SYT9: variants seen among roughly 807,000 people sequenced by gnomAD.
SYT9 encodes the protein synaptotagmin-9.
SYT9 carries 22 observed loss-of-function variants against 48.4 expected under a neutral mutation model. That is an observed-to-expected ratio of 0.45 (90% CI 0.32 to 0.65). SYT9 has a LOEUF of 0.65. Among genes scored for constraint, SYT9 ranks in the 30% least tolerant of loss-of-function variants. The pLI is 0.03. For synonymous variants in SYT9, 265 were observed against 245.0 expected (o/e 1.08, Z -0.76); for missense variants, 577 against 622.0 (o/e 0.93, Z 0.77).
chr11:7,392,945 A>G (rs1215592727), intron 3 of SYT9, among the ~76,000 whole-genome samples: 1 of 152,090 alleles, frequency 6.6e-6, no homozygotes, highest in African/African-American at 2.4e-5. Context: ...AAATATGTTG[A>G]TTTTTTATCC....
intron 3 of SYT9, among the ~76,000 whole-genome samples, chr11:7,315,334 G>T (rs1308816737): frequency 6.6e-6 from 1 of 152,190 alleles, no homozygotes; most frequent in Non-Finnish European, 1.5e-5. Context: ...ACATGAGAAG[G>T]TTTAAAGAAA....
chr11:7,249,899 A>T (rs371134794), upstream of SYT9, among the ~76,000 whole-genome samples: 4 of 152,186 alleles, frequency 2.6e-5, no homozygotes, highest in Non-Finnish European at 5.9e-5. Context: ...ACTATATTTG[A>T]AAGTTTACAG....
intron 3 of SYT9, among the ~76,000 whole-genome samples, chr11:7,408,071 T>C (rs1206058095): frequency 6.6e-6 from 1 of 152,214 alleles, no homozygotes; most frequent in Non-Finnish European, 1.5e-5. Flanking sequence ...AAAATTACAT[T>C]GGTTTTTTGA....
At chr11:7,459,530 T>G (rs1392576930) in intron 6 of SYT9, among the ~76,000 whole-genome samples, 1 of 152,150 alleles carries the variant, frequency 6.6e-6, no homozygotes, top group Admixed American at 6.5e-5. Context: ...AAATAAGATG[T>G]AAATAAAATG....
Position 7,290,868 on chromosome 11 carries a change from G to C in SYT9, c.146-12171G>C, listed in dbSNP as rs571318099. Among the ~76,000 whole-genome samples the C allele has an allele frequency of 3.3e-5, 5 of 152,306 alleles. No homozygotes were observed. In the East Asian group the frequency reaches 9.7e-4, roughly 29 times the overall value. On this transcript the variant is annotated intron_variant, in intron 1 of 6. Transcript: ENST00000318881. ...ATTCTGAGTCCCAGTGGAAACGGGT[G>C]ATAGTCAAACTAGGTAATTTGAGGA...
intron 3 of SYT9, among the ~76,000 whole-genome samples, chr11:7,331,214 A>C (rs1336475325): frequency 1.4e-5 from 1 of 71,220 alleles, no homozygotes; most frequent in African/African-American, 4.7e-5. Flanking sequence ...TGCAAAAGGG[A>C]TAGCAGGGAT....
chr11:7,346,512 T>C (rs1849804013), intron 3 of SYT9, among the ~76,000 whole-genome samples: 1 of 152,208 alleles, frequency 6.6e-6, no homozygotes, highest in Admixed American at 6.5e-5. Flanking sequence ...AAGTCAAGTG[T>C]AGCCCTTCTG....
At chr11:7,339,899 CCTCT>C (rs139152409) in intron 3 of SYT9, among the ~76,000 whole-genome samples, 103 of 152,224 alleles carry the variant, frequency 6.8e-4, no homozygotes, top group Non-Finnish European at 1.4e-3. Flanking sequence ...TGACTGTTGG[CCTCT>C]CTAAGAAGGT....
chr11:7,240,650 T>A (rs2119713177), intron 1 of SYT9, among the ~76,000 whole-genome samples: 1 of 152,342 alleles, frequency 6.6e-6, no homozygotes, highest in South Asian at 2.1e-4. Flanking sequence ...TATATTGCTT[T>A]AAACGAACTA....
At chr11:7,335,919 C>T (rs1011811287) in intron 3 of SYT9, among the ~76,000 whole-genome samples, 1 of 152,160 alleles carries the variant, frequency 6.6e-6, no homozygotes, top group African/African-American at 2.4e-5. Context: ...TATCGCCACA[C>T]TGCTTTCCAC....
At chr11:7,278,845 A>G (rs1181745734) in intron 1 of SYT9, among the ~76,000 whole-genome samples, 1 of 152,236 alleles carries the variant, frequency 6.6e-6, no homozygotes, top group Non-Finnish European at 1.5e-5. Flanking sequence ...GTAAAGGGTT[A>G]TGAGCACACA....
At chr11:7,334,657 T>TCCCCGCCACCCATCCCCCCAAA in intron 3 of SYT9, among the ~76,000 whole-genome samples, 1 of 144,448 alleles carries the variant, frequency 6.9e-6, no homozygotes, top group South Asian at 2.6e-4. Flanking sequence ...ATCCCCCCAA[T>TCCCCGCCACCCATCCCCCCAAA]CCCCAGGCAG....
At chr11:7,259,263 A>G (rs1405317187) in intron 1 of SYT9, among the ~76,000 whole-genome samples, 1 of 152,152 alleles carries the variant, frequency 6.6e-6, no homozygotes, top group Non-Finnish European at 1.5e-5. Flanking sequence ...TTCTATTATT[A>G]TAATTTTCCC....
At chr11:7,251,672 G>A (rs1847869676), upstream of SYT9, among the ~76,000 whole-genome samples, 3 of 152,166 alleles carry the variant, frequency 2.0e-5, no homozygotes, top group Admixed American at 1.3e-4. Flanking sequence ...TCAGGGATGA[G>A]GGGTGGAGTA....
rs543241193 is a variant in SYT9 at position 7,333,450 on chromosome 11, A to T, written c.1044+19509A>T. On this transcript the variant is annotated intron_variant, in intron 3 of 6. Coordinates refer to ENST00000318881, the MANE Select transcript of SYT9 (RefSeq NM_175733.4). ...TTTCTCCTATGTTACCTGTCTTGAAATGTAGCTTCCAGAATAAATGTATCT... is the reference window on the plus strand; with the variant it reads ...TTTCTCCTATGTTACCTGTCTTGAATTGTAGCTTCCAGAATAAATGTATCT... Among the ~76,000 whole-genome samples, 15 of 152,320 alleles carry T rather than the reference A, an allele frequency of 9.8e-5. No homozygotes were observed. The South Asian group carries it at 2.9e-3, about 29-fold the overall frequency.
At chr11:7,410,261 A>G (rs906615432) in intron 3 of SYT9, among the ~76,000 whole-genome samples, 6 of 152,196 alleles carry the variant, frequency 3.9e-5, no homozygotes, top group Non-Finnish European at 7.4e-5. Flanking sequence ...GACCTAACAT[A>G]TGCTGTATCC....
chr11:7,438,886 A>G (rs916047268), intron 6 of SYT9: 1 of 152,262 alleles, frequency 6.6e-6, no homozygotes, highest in African/African-American at 2.4e-5. Flanking sequence ...TGATTTCAGC[A>G]TTAGATACAG....
chr11:7,434,238 C>G (rs1241564244), intron 6 of SYT9, among the ~76,000 whole-genome samples: 1 of 152,154 alleles, frequency 6.6e-6, no homozygotes, highest in Non-Finnish European at 1.5e-5. Flanking sequence ...AATGTCTGGG[C>G]TGGGTAGTCC....
At chr11:7,284,218 T>C (rs536285234) in intron 1 of SYT9, among the ~76,000 whole-genome samples, 31 of 152,308 alleles carry the variant, frequency 2.0e-4, no homozygotes, top group East Asian at 1.5e-3. Flanking sequence ...ACATTTTGCA[T>C]TGAGAAGCCA....
Sources: gnomAD v4.1 joint callset for allele counts (sites outside exome capture counted in the v4.1 genomes callset) on GRCh38, gnomAD v4.1.1 for gene constraint, MANE v1.5 for transcripts, NCBI Gene and HGNC (gene_info 2026-07-23, HGNC 2026-07-21) for gene names.